The following XRCC4 variants were observed in gnomAD, a reference collection of about 807,000 sequenced individuals.
The protein encoded by XRCC4 is DNA repair protein XRCC4.
Under a neutral mutation model 39.1 loss-of-function variants are expected in XRCC4, and 28 were observed. The ratio of observed to expected loss-of-function variants is 0.72; its 90% CI spans 0.53 to 0.98. The LOEUF (loss-of-function observed/expected upper bound fraction) is 0.98. Ranked by LOEUF, XRCC4 falls within the 50% of genes least tolerant of loss-of-function variation. The pLI is 0.00. For synonymous variants in XRCC4, 123 were observed against 126.4 expected (o/e 0.97, Z 0.18); for missense variants, 350 against 376.4 (o/e 0.93, Z 0.58).
intron 7 of XRCC4, among the ~76,000 whole-genome samples, chr5:83,265,521 G>C (rs1046375958): frequency 6.6e-6 from 1 of 152,108 alleles, no homozygotes; most frequent in African/African-American, 2.4e-5. Flanking sequence ...TACTGATTAT[G>C]GTCAGTGCAC....
intron 1 of XRCC4, among the ~76,000 whole-genome samples, chr5:83,078,389 C>T (rs1254980734): frequency 6.6e-6 from 1 of 152,152 alleles, no homozygotes; most frequent in East Asian, 1.9e-4. Context: ...GCTTTTGGTT[C>T]TAAATGTGTG....
rs28360225 is a variant in XRCC4, at chr5:83,256,888, T to C, written c.746-1642T>C. 5.9e-3 allele frequency among the ~76,000 whole-genome samples: 902 copies of C among 152,274 alleles called. 12 individuals are homozygous for C. Among genetic ancestry groups the C allele is most frequent in the African/African-American group, 0.021 (866 of 41,564 alleles). On this transcript the variant is annotated intron_variant, in intron 6 of 7. Coordinates refer to ENST00000396027, the MANE Select transcript of XRCC4 (RefSeq NM_003401.5). ...AAAGTCACTTAACCTCTCTGAAGCC[T>C]TGTTTTCCTTATAAATAAAATGAAG...
intron 6 of XRCC4, among the ~76,000 whole-genome samples, chr5:83,208,066 T>A (rs1751487592): frequency 6.6e-6 from 1 of 152,056 alleles, no homozygotes; most frequent in Non-Finnish European, 1.5e-5. Flanking sequence ...TATTTTGTTA[T>A]AGTAAATGGA....
At chr5:83,161,430 C>G (rs1382122975) in intron 3 of XRCC4, among the ~76,000 whole-genome samples, 2 of 152,098 alleles carry the variant, frequency 1.3e-5, no homozygotes, top group Non-Finnish European at 2.9e-5. Context: ...CCACGACCGG[C>G]CCTTTTTATT....
At chr5:83,086,349 C>T (rs1017795) in intron 1 of XRCC4, among the ~76,000 whole-genome samples, 7,628 of 152,174 alleles carry the variant, frequency 0.05, 620 homozygotes, top group African/African-American at 0.17. Flanking sequence ...TGACCAGAAG[C>T]CTCATCAATA....
chr5:83,133,117 C>T (rs1747687614), intron 3 of XRCC4, among the ~76,000 whole-genome samples: 1 of 151,958 alleles, frequency 6.6e-6, no homozygotes, highest in Admixed American at 6.6e-5. Flanking sequence ...ATTCAGGACC[C>T]TCAGCTGTAG....
intron 7 of XRCC4, among the ~76,000 whole-genome samples, chr5:83,340,586 T>G (rs1024694260): frequency 6.8e-4 from 104 of 152,042 alleles, no homozygotes; most frequent in African/African-American, 2.4e-3. Flanking sequence ...CTTTGAAGTT[T>G]TGAAGACAGG....
intron 7 of XRCC4, 62 bp from the exon 8 acceptor site, chr5:83,353,069 C>G (rs1757125687): frequency 1.5e-6 from 2 of 1,333,688 alleles, no homozygotes; most frequent in Non-Finnish European, 2.1e-6. Context: ...TCTTCATTTT[C>G]TTTTACTCTA....
At chr5:83,093,970 T>A (rs2112327820) in intron 1 of XRCC4, among the ~76,000 whole-genome samples, 1 of 152,140 alleles carries the variant, frequency 6.6e-6, no homozygotes, top group East Asian at 2.0e-4. Flanking sequence ...GCTAAGAAGT[T>A]TATTGTTATT....
intron 3 of XRCC4, among the ~76,000 whole-genome samples, chr5:83,113,901 C>T (rs1213315010): frequency 6.6e-6 from 1 of 152,202 alleles, no homozygotes; most frequent in Non-Finnish European, 1.5e-5. Context: ...GCTGGGATTA[C>T]AGGCGTGAGC....
chr5:83,268,016 T>C (rs1754016881), intron 7 of XRCC4, among the ~76,000 whole-genome samples: 1 of 152,230 alleles, frequency 6.6e-6, no homozygotes, highest in Non-Finnish European at 1.5e-5. Context: ...AATAATGGCA[T>C]AATGAACAGA....
At chr5:83,360,766 GT>G in the XRCC4 span, among the ~76,000 whole-genome samples, 27 of 151,942 alleles carry the variant, frequency 1.8e-4, 1 homozygote, top group Non-Finnish European at 4.4e-5. Flanking sequence ...TAGAAGAGCC[GT>G]CCAGCTGAGC....
At chr5:83,128,225 T>C (rs1747374336) in intron 3 of XRCC4, among the ~76,000 whole-genome samples, 1 of 152,140 alleles carries the variant, frequency 6.6e-6, no homozygotes, top group Admixed American at 6.6e-5. Flanking sequence ...CATGTGGTGC[T>C]TGGTTTTCTG....
At chr5:83,083,611 C>T (rs1267533583) in intron 1 of XRCC4, among the ~76,000 whole-genome samples, 2 of 151,966 alleles carry the variant, frequency 1.3e-5, no homozygotes, top group Non-Finnish European at 2.9e-5. Context: ...CTCCTGACCT[C>T]GTGATCCACC....
At chr5:83,235,411 T>C (rs764950975) in intron 6 of XRCC4, among the ~76,000 whole-genome samples, 16 of 147,018 alleles carry the variant, frequency 1.1e-4, no homozygotes, top group Non-Finnish European at 2.2e-4. Context: ...TGTTTCAACA[T>C]ATGCAAATCA....
intron 6 of XRCC4, among the ~76,000 whole-genome samples, chr5:83,245,340 T>G (rs1200626969): frequency 6.6e-6 from 1 of 152,114 alleles, no homozygotes; most frequent in Non-Finnish European, 1.5e-5. Context: ...TGTGTAGACT[T>G]GGAGAAAGGA....
chr5:83,254,371 TACA>T (rs796779936), intron 6 of XRCC4, among the ~76,000 whole-genome samples: 12 of 152,310 alleles, frequency 7.9e-5, no homozygotes, highest in African/African-American at 2.9e-4. Context: ...TGCATGCCAT[TACA>T]ACAAGGCCAC....
Position 83,308,388 on chromosome 5 carries a change from TGC to T in XRCC4, c.894-44742_894-44741del, listed in dbSNP as rs879459502. On this transcript the variant is annotated intron_variant, in intron 7 of 7. Transcript: ENST00000396027. Reference sequence around the variant, plus strand: ...GGATCTTTTCATGAAAAGTTGTGTATGCAGGAATAAGTTAATAACATATTATA... The same window carrying T: ...GGATCTTTTCATGAAAAGTTGTGTATAGGAATAAGTTAATAACATATTATA... 2.1e-3 allele frequency among the ~76,000 whole-genome samples: 326 copies of T among 152,280 alleles called. 2 individuals carry two copies. The highest frequency in any genetic ancestry group is 3.5e-3 in the Non-Finnish European group (239 of 68,004).
At chr5:83,294,975 T>C (rs1025248763) in intron 7 of XRCC4, among the ~76,000 whole-genome samples, 11 of 152,062 alleles carry the variant, frequency 7.2e-5, no homozygotes, top group African/African-American at 2.7e-4. Flanking sequence ...AATGCTTCCC[T>C]GGAGTTCTGG....
Sources: gnomAD v4.1 joint callset for allele counts (sites outside exome capture counted in the v4.1 genomes callset) on GRCh38, gnomAD v4.1.1 for gene constraint, MANE v1.5 for transcripts, NCBI Gene and HGNC (gene_info 2026-07-23, HGNC 2026-07-21) for gene names.